ZEB2: variants seen among roughly 807,000 people sequenced by gnomAD.
ZEB2 encodes zinc finger E-box-binding homeobox 2.
A neutral mutation model predicts 99.9 loss-of-function variants in ZEB2; 6 were observed. The observed-to-expected ratio is 0.06, with a 90% confidence interval of 0.03 to 0.12. The LOEUF (loss-of-function observed/expected upper bound fraction) is 0.12, where lower values mean the gene tolerates loss of function less well. Among genes scored for constraint, ZEB2 ranks in the 10% least tolerant of loss-of-function variants. The pLI is 1.00. For missense variants in ZEB2, 969 were observed against 1,502.8 expected, an observed-to-expected ratio of 0.64 and a Z score of 5.87; for synonymous variants, 517 against 542.5, an observed-to-expected ratio of 0.95 and a Z score of 0.65.
In ZEB2 at chr2:144,386,591, G is replaced by GA. The variant is rs1485406185; in HGVS notation, c.*2859dup. The GA allele has an allele frequency of 6.6e-6, 1 of 152,168 alleles. No homozygotes were observed. The highest frequency in any genetic ancestry group is 2.4e-5 in the African/African-American group (1 of 41,428). 9.4% of individuals were successfully genotyped at this position (152,168 alleles called of 1,614,324 possible). A position where few individuals can be genotyped will look rare whatever the true frequency, so the allele number is the denominator to read the frequency against. On this transcript the variant is annotated 3_prime_UTR_variant, in exon 10 of 10. Transcript: ENST00000627532. ...GTGCACACTTTCTTCTTTCCAAGGA[G>GA]AAAGAGTTAGGTTGCACATTCATTG... is the stretch of plus-strand genomic sequence containing the variant.
chr2:144,515,651 G>C (rs938167245), intron 2 of ZEB2, among the ~76,000 whole-genome samples: 2 of 151,790 alleles, frequency 1.3e-5, no homozygotes, highest in Admixed American at 6.6e-5. Context: ...ATAGATCAAA[G>C]ACAGCACAAA....
chr2:144,517,651 A>G, intron 1 of ZEB2: 1 of 697,984 alleles, frequency 1.4e-6, no homozygotes, highest in Non-Finnish European at 2.6e-6. Flanking sequence ...CAGAGAGACA[A>G]GAATTACATC....
chr2:144,433,212 T>C (rs1426509436), intron 2 of ZEB2, among the ~76,000 whole-genome samples: 1 of 152,164 alleles, frequency 6.6e-6, no homozygotes, highest in Non-Finnish European at 1.5e-5. Context: ...CATCTGTCTC[T>C]GAGGCATAGC....
chr2:144,421,957 T>A (rs535142343), intron 4 of ZEB2, among the ~76,000 whole-genome samples: 1 of 152,354 alleles, frequency 6.6e-6, no homozygotes, highest in South Asian at 2.1e-4. Context: ...CAAAATTAGA[T>A]CCTTCTTCTG....
chr2:144,471,119 C>A (rs1057382404), intron 2 of ZEB2, among the ~76,000 whole-genome samples: 9 of 152,030 alleles, frequency 5.9e-5, no homozygotes, highest in Admixed American at 1.3e-4. Context: ...TGCATAACAG[C>A]GGTAGTTACC....
intron 1 of ZEB2, chr2:144,518,471 A>G (rs1489373688): frequency 6.6e-6 from 1 of 152,042 alleles, no homozygotes; most frequent in Non-Finnish European, 1.5e-5. Context: ...ACAGATGCAA[A>G]CTGTAACACA....
At chr2:144,513,990 A>G (rs1705089639) in intron 2 of ZEB2, 3 of 1,022,932 alleles carry the variant, frequency 2.9e-6, no homozygotes, top group Admixed American at 2.9e-5. Context: ...CCCTCACCCC[A>G]CTCCCTCTTT....
At chr2:144,474,069 G>T (rs1704396875) in intron 2 of ZEB2, among the ~76,000 whole-genome samples, 1 of 152,098 alleles carries the variant, frequency 6.6e-6, no homozygotes, top group Non-Finnish European at 1.5e-5. Context: ...TCATTAATTG[G>T]CCTTGTCCGG....
Position 144,429,764 on chromosome 2 carries a change from C to T in ZEB2, c.331+5G>A, listed in dbSNP as rs767859594. 2 of 1,613,786 alleles carry T rather than the reference C, an allele frequency of 1.2e-6. No individual in the cohort carries two copies. The highest frequency in any genetic ancestry group is 8.5e-7 in the Non-Finnish European group (1 of 1,179,770). ...GGAAGAGGCCAAGTGATTTTAGACA[C>T]TTACCTGGACCATCTACAGAGGCTT... On this transcript the variant is annotated splice_donor_5th_base_variant and intron_variant, in intron 3 of 9. Coordinates refer to ENST00000627532, the MANE Select transcript of ZEB2 (RefSeq NM_014795.4).
intron 4 of ZEB2, among the ~76,000 whole-genome samples, chr2:144,414,033 C>T (rs1426000921): frequency 6.6e-6 from 1 of 152,158 alleles, no homozygotes; most frequent in African/African-American, 2.4e-5. Context: ...GGCTGCCAAC[C>T]TTATACTAAT....
intron 2 of ZEB2, among the ~76,000 whole-genome samples, chr2:144,439,664 C>G (rs961758732): frequency 1.3e-5 from 2 of 152,170 alleles, no homozygotes; most frequent in Non-Finnish European, 2.9e-5. Flanking sequence ...TAGCTCTGCA[C>G]AAGCTGCTAC....
chr2:144,444,270 A>T (rs546628074), intron 2 of ZEB2, among the ~76,000 whole-genome samples: 146 of 152,328 alleles, frequency 9.6e-4, no homozygotes, highest in African/African-American at 3.3e-3. Flanking sequence ...TAAGAACACA[A>T]AATCTGAGGC....
chr2:144,421,857 C>T (rs950646034), intron 4 of ZEB2, among the ~76,000 whole-genome samples: 6 of 152,076 alleles, frequency 3.9e-5, no homozygotes, highest in African/African-American at 1.4e-4. Context: ...GGTTTCAATT[C>T]CTCATTTCCA....
chr2:144,513,083 TC>T (rs1705068806), intron 2 of ZEB2: 1 of 1,286,998 alleles, frequency 7.8e-7, no homozygotes, highest in African/African-American at 1.5e-5. Flanking sequence ...CAACTTCACC[TC>T]TCAGGGAGGA....
intron 2 of ZEB2, among the ~76,000 whole-genome samples, chr2:144,441,543 A>G (rs934544044): frequency 9.7e-5 from 11 of 113,442 alleles, no homozygotes; most frequent in South Asian, 2.9e-4. Context: ...TTAATTTTCT[A>G]AAAAAAAAAA....
At chr2:144,418,459 C>T (rs1276029573) in intron 4 of ZEB2, among the ~76,000 whole-genome samples, 6 of 151,960 alleles carry the variant, frequency 3.9e-5, no homozygotes, top group East Asian at 3.9e-4. Context: ...GAGGCTGAGG[C>T]GGGGGGACAC....
Position 144,456,640 on chromosome 2 carries a change from G to A in ZEB2, c.74-26614C>T, listed in dbSNP as rs529167587. Among the ~76,000 whole-genome samples, 12 of 152,188 alleles carry A rather than the reference G, an allele frequency of 7.9e-5. No individual in the cohort carries two copies. In the East Asian group the frequency reaches 1.9e-3, roughly 25 times the overall value. On this transcript the variant is annotated intron_variant, in intron 2 of 9. Transcript: ENST00000627532. ...TTGATGCTATTAATGTATTTGGTGA[G>A]ATAATCTAATAGATTTCCTTGAAGT...
intron 2 of ZEB2, among the ~76,000 whole-genome samples, chr2:144,493,848 G>A (rs1187257794): frequency 2.0e-5 from 3 of 152,004 alleles, no homozygotes; most frequent in Admixed American, 6.5e-5. Flanking sequence ...AAAATAGCTT[G>A]GTCTTTTTAG....
intron 2 of ZEB2, among the ~76,000 whole-genome samples, chr2:144,458,804 A>C (rs552906953): frequency 1.2e-4 from 18 of 152,326 alleles, no homozygotes; most frequent in Non-Finnish European, 1.8e-4. Context: ...CTGCAACTTA[A>C]ATAATTTAAA....
Sources: gnomAD v4.1 joint callset for allele counts (sites outside exome capture counted in the v4.1 genomes callset) on GRCh38, gnomAD v4.1.1 for gene constraint, MANE v1.5 for transcripts, NCBI Gene and HGNC (gene_info 2026-07-23, HGNC 2026-07-21) for gene names.